Variants in CACNG2 observed in about 807,000 individuals in gnomAD.
CACNG2 encodes the protein calcium voltage-gated channel auxiliary subunit gamma 2.
A neutral mutation model predicts 25.9 loss-of-function variants in CACNG2; 3 were observed. The observed-to-expected ratio is 0.12, with a 90% CI of 0.05 to 0.30. The LOEUF (loss-of-function observed/expected upper bound fraction) is 0.30. Ranked by LOEUF, CACNG2 falls within the 10% of genes least tolerant of loss-of-function variation. CACNG2 has a pLI of 1.00. For synonymous variants in CACNG2, 167 were observed against 173.3 expected (o/e 0.96, Z 0.29); for missense variants, 341 against 432.5 (o/e 0.79, Z 1.88).
At position 36,702,977 on chromosome 22, in the gene CACNG2, G is replaced by A. The variant is rs967124972; in HGVS notation, c.-401C>T. Reference sequence around the variant, plus strand: ...TTAATTTGGAGATGGCTTCCACAGTGAACCAGGGAACAGCCGAATTCTCAA... The same window carrying A: ...TTAATTTGGAGATGGCTTCCACAGTAAACCAGGGAACAGCCGAATTCTCAA... On this transcript the variant is annotated 5_prime_UTR_variant, in exon 1 of 4. Transcript: ENST00000300105. The A allele has an allele frequency of 4.8e-5, 9 of 186,668 alleles. No homozygotes were observed. Among genetic ancestry groups the A allele is most frequent in the Admixed American group, 1.7e-4 (3 of 17,524 alleles). The allele number at this position is 186,668 out of a possible 1,614,324, so 11.6% of individuals were successfully genotyped here.
At chr22:36,631,095 C>T (rs1376511028) in intron 1 of CACNG2, among the ~76,000 whole-genome samples, 1 of 152,170 alleles carries the variant, frequency 6.6e-6, no homozygotes, top group Non-Finnish European at 1.5e-5. Flanking sequence ...TCCCAAAGTG[C>T]TTGGATTACA....
chr22:36,659,486 CT>C (rs1936756769), intron 1 of CACNG2, among the ~76,000 whole-genome samples: 1 of 152,126 alleles, frequency 6.6e-6, no homozygotes. Context: ...GGCAAATTAC[CT>C]TGCCCAAGTT....
chr22:36,655,837 C>T (rs1305759739), intron 1 of CACNG2, among the ~76,000 whole-genome samples: 3 of 141,940 alleles, frequency 2.1e-5, no homozygotes, highest in Non-Finnish European at 4.5e-5. Context: ...GACAGAGTTT[C>T]GCTCTTGTTG....
At chr22:36,609,775 A>AC (rs1935905986) in intron 1 of CACNG2, among the ~76,000 whole-genome samples, 1 of 137,900 alleles carries the variant, frequency 7.3e-6, no homozygotes, top group African/African-American at 2.7e-5. Flanking sequence ...GCAGGAATCA[A>AC]CCCCCCAGAA....
intron 2 of CACNG2, among the ~76,000 whole-genome samples, chr22:36,578,770 G>A (rs1036449841): frequency 3.9e-5 from 6 of 152,152 alleles, no homozygotes; most frequent in Admixed American, 3.9e-4. Flanking sequence ...GCTGCCCTAG[G>A]GCGGGCGGTA....
chr22:36,608,452 TTC>T, intron 1 of CACNG2, among the ~76,000 whole-genome samples: 1 of 152,230 alleles, frequency 6.6e-6, no homozygotes, highest in East Asian at 1.9e-4. Flanking sequence ...ACTGAATACT[TTC>T]TGTTCTCTCT....
chr22:36,682,285 T>A (rs544860604), intron 1 of CACNG2, among the ~76,000 whole-genome samples: 1 of 152,256 alleles, frequency 6.6e-6, no homozygotes, highest in African/African-American at 2.4e-5. Flanking sequence ...CTCTGGCAAA[T>A]CGCTTAATCT....
At chr22:36,670,253 A>G (rs1280569308) in intron 1 of CACNG2, among the ~76,000 whole-genome samples, 2 of 152,116 alleles carry the variant, frequency 1.3e-5, no homozygotes, top group Non-Finnish European at 2.9e-5. Context: ...TTCAGGAAAA[A>G]CCAGTAGATT....
At chr22:36,581,694 C>G (rs1355661177) in intron 2 of CACNG2, among the ~76,000 whole-genome samples, 2 of 152,184 alleles carry the variant, frequency 1.3e-5, no homozygotes, top group Non-Finnish European at 2.9e-5. Flanking sequence ...TGTCCTGGAG[C>G]TTAGTGTCTG....
At chr22:36,628,901 A>T (rs752639311) in intron 1 of CACNG2, among the ~76,000 whole-genome samples, 23 of 152,152 alleles carry the variant, frequency 1.5e-4, no homozygotes, top group South Asian at 2.1e-4. Flanking sequence ...AATAAAAAAG[A>T]TTTACAGGTA....
chr22:36,608,668 G>A (rs138738179), intron 1 of CACNG2, among the ~76,000 whole-genome samples: 38 of 151,708 alleles, frequency 2.5e-4, no homozygotes, highest in African/African-American at 9.2e-4. Context: ...AGACTACCTG[G>A]GTGTGTATTT....
At chr22:36,601,381 T>G (rs1935751269) in intron 1 of CACNG2, among the ~76,000 whole-genome samples, 2 of 152,278 alleles carry the variant, frequency 1.3e-5, no homozygotes, top group African/African-American at 4.8e-5. Context: ...CCATTGTATG[T>G]AAACACCACA....
Position 36,564,424 on chromosome 22 carries a change from T to C in CACNG2, c.899A>G (p.His300Arg). The C allele has an allele frequency of 6.2e-7, 1 of 1,614,104 alleles. No individual in the cohort carries two copies. The highest frequency in any genetic ancestry group is 1.1e-5 in the South Asian group (1 of 91,082). Residue 300 changes from histidine (H) to arginine (R), a missense_variant, in exon 4 of 4, where the codon CAC (histidine) becomes CGC (arginine). His to Arg is a conservative substitution (Grantham distance 29). Around this residue, in one of 2 missense-constraint regions of CACNG2, gnomAD observed 172 missense variants for 178.1 expected, o/e 0.97. Coordinates refer to ENST00000300105, the MANE Select transcript of CACNG2 (RefSeq NM_006078.5). This position sits in a 1 kb window ranked among gnomAD's most constrained non-coding sequence, Gnocchi z 6.7. ...SDRDNSFLQVHNCIQKENKDS... is the reference protein window; with the variant it reads ...SDRDNSFLQVRNCIQKENKDS... ...CTTGTTCTCCTTCTGGATACAGTTG[T>C]GAACCTGGAGGAAGCTGTTATCCCT...
chr22:36,651,720 C>T (rs1936618463), intron 1 of CACNG2, among the ~76,000 whole-genome samples: 1 of 152,152 alleles, frequency 6.6e-6, no homozygotes, highest in Non-Finnish European at 1.5e-5. Flanking sequence ...CCCCCTGTGC[C>T]TAGAATAGAG....
At position 36,587,533 on chromosome 22, in the gene CACNG2, A is replaced by G; in HGVS notation, c.227T>C (p.Leu76Pro). ...TCCLEGNFKG[L>P]CKQIDHFPED... ...TGGGAAGTGATCAATTTGCTTGCAC[A>G]GACCTTTGAAATTCCCTGCAAAACA... The change falls in exon 2 of 4, where the codon CTG (leucine) becomes CCG (proline). Residue 76 changes from leucine (L) to proline (P), a missense_variant. This residue lies in a region of CACNG2 where 169 missense variants were observed against 254.4 expected (regional missense o/e 0.66). Coordinates refer to ENST00000300105, the MANE Select transcript of CACNG2 (RefSeq NM_006078.5). 1 of 1,613,206 alleles carries G rather than the reference A, an allele frequency of 6.2e-7. No homozygotes were observed. The highest frequency in any genetic ancestry group is 8.5e-7 in the Non-Finnish European group (1 of 1,179,086).
At chr22:36,649,595 A>G (rs898151596) in intron 1 of CACNG2, among the ~76,000 whole-genome samples, 3 of 152,156 alleles carry the variant, frequency 2.0e-5, no homozygotes, top group African/African-American at 7.2e-5. Flanking sequence ...CAACAGCTCT[A>G]CTTTCAAACT....
At chr22:36,700,704 G>A (rs1221353578) in intron 1 of CACNG2, among the ~76,000 whole-genome samples, 1 of 152,158 alleles carries the variant, frequency 6.6e-6, no homozygotes, top group Non-Finnish European at 1.5e-5. Flanking sequence ...GGGCGTGTGT[G>A]TGCATGTGTT....
chr22:36,689,735 C>T (rs567028668), intron 1 of CACNG2, among the ~76,000 whole-genome samples: 9 of 152,350 alleles, frequency 5.9e-5, no homozygotes, highest in South Asian at 4.1e-4. Context: ...GCACCAACAG[C>T]GTGGCCTGTC....
chr22:36,637,068 A>C lies in CACNG2; in HGVS notation c.212-49520T>G, dbSNP rs143559887. Among the ~76,000 whole-genome samples the C allele has an allele frequency of 6.6e-3, 1,010 of 152,354 alleles. 8 individuals are homozygous for C. The highest frequency in any genetic ancestry group is 0.023 in the African/African-American group (976 of 41,578). ...TTGGGCCAGCCTTGAAGGCAGCAAC[A>C]TCTGCTGTGTGAGGCTCTGGTGCCA... On this transcript the variant is annotated intron_variant, in intron 1 of 3. Transcript: ENST00000300105.
Sources: gnomAD v4.1 joint callset for allele counts (sites outside exome capture counted in the v4.1 genomes callset) on GRCh38, gnomAD v4.1.1 for gene constraint, gnomAD v4.1.1 regional missense constraint, Gnocchi (gnomAD v3.1) non-coding constraint, MANE v1.5 for transcripts, NCBI Gene and HGNC (gene_info 2026-07-23, HGNC 2026-07-21) for gene names.